CTNNA2: variants seen among roughly 807,000 people sequenced by gnomAD.
CTNNA2 encodes the protein catenin alpha-2.
CTNNA2 carries 42 observed loss-of-function variants against 101.0 expected under a neutral mutation model. That is an observed-to-expected ratio of 0.42 (90% CI 0.32 to 0.54). CTNNA2 has a LOEUF of 0.54. CTNNA2 is among the 20% of genes least tolerant of loss of function. The pLI is 0.14. For missense variants in CTNNA2, 871 were observed against 1,223.1 expected, an observed-to-expected ratio of 0.71 and a Z score of 4.29; for synonymous variants, 450 against 456.4, an observed-to-expected ratio of 0.99 and a Z score of 0.18.
chr2:80,320,085 CA>C (rs1165852309), intron 7 of CTNNA2, among the ~76,000 whole-genome samples: 2 of 152,208 alleles, frequency 1.3e-5, no homozygotes, highest in African/African-American at 4.8e-5. Context: ...TATTTTTAAA[CA>C]ACTCAACAAT....
At chr2:80,106,546 T>G (rs1004135250) in intron 7 of CTNNA2, among the ~76,000 whole-genome samples, 9 of 152,156 alleles carry the variant, frequency 5.9e-5, no homozygotes, top group African/African-American at 2.2e-4. Context: ...CGTTTAATCC[T>G]GGCACAGAAC....
chr2:79,851,737 C>CTTTTTTTTTTTTTTTTTTTTTT (rs11399192), intron 3 of CTNNA2, among the ~76,000 whole-genome samples: 7 of 87,124 alleles, frequency 8.0e-5, no homozygotes, highest in Non-Finnish European at 1.2e-4. Context: ...TTTTCTTTTC[C>CTTTTTTTTTTTTTTTTTTTTTT]TTTTTTTTTT....
chr2:80,027,520 G>A (rs989030478), intron 7 of CTNNA2, among the ~76,000 whole-genome samples: 3 of 152,232 alleles, frequency 2.0e-5, no homozygotes, highest in Admixed American at 6.5e-5. Context: ...TGGGACAAAA[G>A]ACGAAGTGAG....
chr2:79,976,176 A>G (rs1040812710), intron 7 of CTNNA2, among the ~76,000 whole-genome samples: 4 of 152,166 alleles, frequency 2.6e-5, no homozygotes, highest in Admixed American at 2.6e-4. Context: ...CAAGAGGAAA[A>G]TTTTATAAGC....
intron 3 of CTNNA2, among the ~76,000 whole-genome samples, chr2:79,813,897 CA>C (rs566860539): frequency 5.1e-4 from 77 of 152,272 alleles, no homozygotes; most frequent in African/African-American, 1.7e-3. Context: ...AGTTTGAAGT[CA>C]AGGTGTTTGC....
At chr2:79,769,262 G>A (rs939008550) in intron 3 of CTNNA2, among the ~76,000 whole-genome samples, 3 of 152,102 alleles carry the variant, frequency 2.0e-5, no homozygotes, top group Non-Finnish European at 4.4e-5. Flanking sequence ...TTGTGGTCTC[G>A]TGTTGCTCTG....
intron 1 of CTNNA2, among the ~76,000 whole-genome samples, chr2:79,544,914 A>G (rs990284745): frequency 6.6e-6 from 1 of 152,124 alleles, no homozygotes; most frequent in African/African-American, 2.4e-5. Flanking sequence ...ACTTGCAGAG[A>G]GAGTCCCATT....
intron 7 of CTNNA2, among the ~76,000 whole-genome samples, chr2:80,119,655 G>T (rs147854000): frequency 1.4e-3 from 208 of 152,256 alleles, no homozygotes; most frequent in African/African-American, 4.3e-3. Flanking sequence ...TTCTATCGAG[G>T]CTTCCTGAAA....
chr2:80,224,007 C>T (rs1357263841), intron 7 of CTNNA2, among the ~76,000 whole-genome samples: 2 of 152,176 alleles, frequency 1.3e-5, no homozygotes, highest in Admixed American at 6.5e-5. Flanking sequence ...CATTGGCACT[C>T]AGTGCTCTTA....
intron 3 of CTNNA2, among the ~76,000 whole-genome samples, chr2:79,765,419 C>T (rs766450134): frequency 2.0e-5 from 3 of 152,106 alleles, no homozygotes; most frequent in African/African-American, 7.2e-5. Context: ...TAGTTTCAAA[C>T]GTTCCTTTAC....
chr2:79,214,677 G>C (rs1034040393), intron 2 of CTNNA2, among the ~76,000 whole-genome samples: 3 of 152,044 alleles, frequency 2.0e-5, no homozygotes, highest in Non-Finnish European at 4.4e-5. Flanking sequence ...GGGGGGATAC[G>C]AGAGGAAGAC....
intron 4 of CTNNA2, among the ~76,000 whole-genome samples, chr2:79,473,477 A>C (rs1558675899): frequency 6.6e-6 from 1 of 151,956 alleles, no homozygotes; most frequent in Non-Finnish European, 1.5e-5. Context: ...ACTGCCAAAA[A>C]ACAAAACAAA....
At chr2:79,321,793 GCACACA>G (rs59806501) in intron 3 of CTNNA2, among the ~76,000 whole-genome samples, 22,222 of 149,116 alleles carry the variant, frequency 0.15, 1,700 homozygotes, top group East Asian at 0.24. Context: ...CACTGTGTTT[GCACACA>G]CACACACACA....
At chr2:80,606,413 C>CACACA (rs879377276) in intron 16 of CTNNA2, among the ~76,000 whole-genome samples, 1 of 48,582 alleles carries the variant, frequency 2.1e-5, no homozygotes, top group Non-Finnish European at 4.6e-5. Context: ...CACACACACA[C>CACACA]CCCCCAGGAT....
chr2:79,488,825 C>T (rs752093710), intron 4 of CTNNA2, among the ~76,000 whole-genome samples: 19 of 152,128 alleles, frequency 1.2e-4, no homozygotes, highest in Non-Finnish European at 2.4e-4. Context: ...CCTGTCTGTC[C>T]TTTCACTAGA....
intron 8 of CTNNA2, among the ~76,000 whole-genome samples, chr2:80,402,617 G>A (rs1034867507): frequency 6.6e-6 from 1 of 151,822 alleles, no homozygotes; most frequent in African/African-American, 2.4e-5. Flanking sequence ...TCAGTTACTG[G>A]GGTTAAAGAT....
At chr2:80,104,269 A>C (rs981136022) in intron 7 of CTNNA2, among the ~76,000 whole-genome samples, 1 of 152,330 alleles carries the variant, frequency 6.6e-6, no homozygotes, top group East Asian at 1.9e-4. Flanking sequence ...TTTGGAGGAC[A>C]ATACTTATGC....
intron 7 of CTNNA2, among the ~76,000 whole-genome samples, chr2:80,335,657 G>A (rs185592625): frequency 2.0e-5 from 3 of 152,288 alleles, no homozygotes; most frequent in Admixed American, 2.0e-4. Flanking sequence ...TGCACTGGGA[G>A]AGATGACACA....
chr2:79,293,774 G>A (rs565660545), intron 2 of CTNNA2, among the ~76,000 whole-genome samples: 45 of 152,014 alleles, frequency 3.0e-4, no homozygotes, highest in African/African-American at 1.1e-3. Context: ...TGAGTATGAG[G>A]GTAAACAGAA....
Sources: allele counts gnomAD v4.1 joint callset (sites outside exome capture counted in the v4.1 genomes callset), GRCh38; gene constraint gnomAD v4.1.1; transcripts MANE v1.5; gene names NCBI Gene and HGNC (gene_info 2026-07-23, HGNC 2026-07-21).